SUPT3H: variants seen among roughly 807,000 people sequenced by gnomAD.
SUPT3H encodes the protein transcription initiation protein SPT3 homolog.
SUPT3H carries 44 observed loss-of-function variants against 44.3 expected under a neutral mutation model. The observed-to-expected ratio is 0.99, with a 90% confidence interval of 0.78 to 1.28. SUPT3H has a LOEUF of 1.28. Among genes scored for constraint, SUPT3H ranks in the 50% most tolerant of loss-of-function variants. SUPT3H has a pLI of 0.00. For missense variants in SUPT3H, 380 were observed against 387.1 expected, an observed-to-expected ratio of 0.98 and a Z score of 0.15; for synonymous variants, 124 against 125.6, an observed-to-expected ratio of 0.99 and a Z score of 0.09.
intron 3 of SUPT3H, among the ~76,000 whole-genome samples, chr6:45,057,569 C>A (rs115251704): frequency 6.6e-6 from 1 of 152,052 alleles, no homozygotes; most frequent in South Asian, 2.1e-4. Flanking sequence ...TAGGCTTCTA[C>A]CTTGAGGAGG....
rs553170106 is a variant in SUPT3H at position 45,249,928 on chromosome 6, A to G, written c.101+115273T>C. 5.9e-5 allele frequency among the ~76,000 whole-genome samples: 9 copies of G among 152,306 alleles called. No individual in the cohort carries two copies. The East Asian group carries it at 1.5e-3, about 26-fold the overall frequency. The stretch of plus-strand genomic sequence containing the variant: ...ACCAGATCCCTTCTGCTCAGCTGCA[A>G]AAGTATTTACAACCAGGCTTATAAA... On this transcript the variant is annotated intron_variant, in intron 2 of 10. Transcript: ENST00000371459.
intron 10 of SUPT3H, among the ~76,000 whole-genome samples, chr6:44,920,365 A>G (rs1001441289): frequency 3.9e-5 from 6 of 152,140 alleles, no homozygotes; most frequent in African/African-American, 1.4e-4. Context: ...TGAGGCCAGG[A>G]GTTAGAGACC....
intron 10 of SUPT3H, among the ~76,000 whole-genome samples, chr6:44,890,378 G>C (rs1176905111): frequency 1.3e-5 from 2 of 151,810 alleles, no homozygotes; most frequent in African/African-American, 4.8e-5. Context: ...AACAATGATA[G>C]ACTGGATTAA....
intron 2 of SUPT3H, among the ~76,000 whole-genome samples, chr6:45,325,188 A>T (rs1786158167): frequency 6.6e-6 from 1 of 151,906 alleles, no homozygotes; most frequent in Non-Finnish European, 1.5e-5. Context: ...CCTGCATCAA[A>T]CCATTTTCTC....
downstream of SUPT3H, among the ~76,000 whole-genome samples, chr6:44,823,683 C>G (rs1375260726): frequency 6.6e-6 from 1 of 152,058 alleles, no homozygotes; most frequent in African/African-American, 2.4e-5. Flanking sequence ...CTTGGCTGGC[C>G]AGGCACGGTG....
Position 45,175,568 on chromosome 6 carries a change from T to C in SUPT3H, c.102-69562A>G, listed in dbSNP as rs185752577. Among the ~76,000 whole-genome samples, 376 of 152,254 alleles carry C rather than the reference T, an allele frequency of 2.5e-3. 3 individuals carry two copies. The highest frequency in any genetic ancestry group is 3.7e-3 in the Non-Finnish European group (252 of 68,012). On this transcript the variant is annotated intron_variant, in intron 2 of 10. Transcript: ENST00000371459. The stretch of plus-strand genomic sequence containing the variant: ...AAGCCTAGCCATATCAGCTCCTAAA[T>C]GGAAGAGGTTTGGGTCTTTCACCGA...
At chr6:44,858,595 A>G (rs1774108742) in intron 10 of SUPT3H, among the ~76,000 whole-genome samples, 1 of 152,112 alleles carries the variant, frequency 6.6e-6, no homozygotes, top group African/African-American at 2.4e-5. Context: ...ACCATATAAA[A>G]CTGTTGGCAT....
At chr6:45,150,296 T>C (rs1562556670) in intron 2 of SUPT3H, among the ~76,000 whole-genome samples, 2 of 152,130 alleles carry the variant, frequency 1.3e-5, no homozygotes, top group South Asian at 2.1e-4. Flanking sequence ...TATGGGTCCC[T>C]AAAAATATTA....
At chr6:45,369,724 G>A (rs1795733878) in intron 1 of SUPT3H, among the ~76,000 whole-genome samples, 1 of 151,990 alleles carries the variant, frequency 6.6e-6, no homozygotes, top group South Asian at 2.1e-4. Flanking sequence ...TAAGAGGTAG[G>A]GATATAGTAG....
At chr6:44,997,303 A>C (rs1781397234) in intron 6 of SUPT3H, among the ~76,000 whole-genome samples, 1 of 151,848 alleles carries the variant, frequency 6.6e-6, no homozygotes, top group Non-Finnish European at 1.5e-5. Context: ...CCAGGAACAT[A>C]GTGCTTTTTC....
chr6:44,820,234 T>C (rs1345120015), intron 11 of SUPT3H, among the ~76,000 whole-genome samples: 2 of 152,090 alleles, frequency 1.3e-5, no homozygotes, highest in Non-Finnish European at 2.9e-5. Flanking sequence ...GAAAAAAAGA[T>C]ACATCAAATA....
intron 10 of SUPT3H, among the ~76,000 whole-genome samples, chr6:44,862,677 CAA>C (rs3997535): frequency 7.2e-6 from 1 of 138,698 alleles, no homozygotes; most frequent in Non-Finnish European, 1.5e-5. Flanking sequence ...AACTCTGTAT[CAA>C]AAAAAAAAAA....
intron 2 of SUPT3H, among the ~76,000 whole-genome samples, chr6:45,286,770 C>G (rs144613684): frequency 5.9e-5 from 9 of 152,130 alleles, no homozygotes; most frequent in South Asian, 2.1e-4. Context: ...ATAAAACATG[C>G]TGCTATAAAG....
chr6:45,042,201 T>C (rs1788647293), intron 3 of SUPT3H, among the ~76,000 whole-genome samples: 3 of 152,128 alleles, frequency 2.0e-5, no homozygotes, highest in Admixed American at 2.0e-4. Context: ...GGCAGGCTGA[T>C]CATCTGAGGT....
At chr6:44,852,436 G>A (rs994738078) in intron 10 of SUPT3H, among the ~76,000 whole-genome samples, 8 of 151,978 alleles carry the variant, frequency 5.3e-5, no homozygotes, top group Non-Finnish European at 7.4e-5. Context: ...GTTTCAGCAG[G>A]GCTCTATTTT....
intron 3 of SUPT3H, among the ~76,000 whole-genome samples, chr6:45,039,262 A>G (rs962660888): frequency 1.3e-5 from 2 of 152,208 alleles, no homozygotes; most frequent in Non-Finnish European, 2.9e-5. Flanking sequence ...ATAAATTACT[A>G]TACTTCCTTT....
At chr6:45,056,667 G>A (rs550096527) in intron 3 of SUPT3H, among the ~76,000 whole-genome samples, 3 of 152,274 alleles carry the variant, frequency 2.0e-5, no homozygotes, top group African/African-American at 4.8e-5. Context: ...ACAAAGGCAT[G>A]AGAATGACAC....
At chr6:45,170,233 A>C (rs950365877) in intron 2 of SUPT3H, among the ~76,000 whole-genome samples, 1 of 152,212 alleles carries the variant, frequency 6.6e-6, no homozygotes, top group East Asian at 1.9e-4. Context: ...AGAACAAGAA[A>C]AAATCATTTC....
At chr6:44,973,094 C>A (rs922818827) in intron 6 of SUPT3H, among the ~76,000 whole-genome samples, 2 of 152,170 alleles carry the variant, frequency 1.3e-5, no homozygotes, top group African/African-American at 4.8e-5. Context: ...CACGAGGCTG[C>A]AAATTTTCCA....
Sources: gnomAD v4.1 joint callset for allele counts (sites outside exome capture counted in the v4.1 genomes callset) on GRCh38, gnomAD v4.1.1 for gene constraint, MANE v1.5 for transcripts, NCBI Gene and HGNC (gene_info 2026-07-23, HGNC 2026-07-21) for gene names.